The following EIF2AK3 variants were observed in gnomAD, a reference collection of about 807,000 sequenced individuals.
The protein encoded by EIF2AK3 is eukaryotic translation initiation factor 2-alpha kinase 3.
A neutral mutation model predicts 113.5 loss-of-function variants in EIF2AK3; 50 were observed. The ratio of observed to expected loss-of-function variants is 0.44; its 90% confidence interval spans 0.35 to 0.56. The LOEUF (loss-of-function observed/expected upper bound fraction) is 0.56, where lower values mean the gene tolerates loss of function less well. EIF2AK3 is among the 20% of genes least tolerant of loss of function. The pLI is 0.00. For synonymous variants in EIF2AK3, 448 were observed against 495.4 expected (o/e 0.90, Z 1.27); for missense variants, 1,185 against 1,378.0 (o/e 0.86, Z 2.22).
At chr2:88,591,083 T>G (rs750698237) in intron 4 of EIF2AK3, 31 bp from the exon 5 acceptor site, 1 of 1,596,208 alleles carries the variant, frequency 6.3e-7, no homozygotes, top group Non-Finnish European at 8.6e-7. Flanking sequence ...TTTTAGAAAT[T>G]TACATTTAAA....
intron 11 of EIF2AK3, 31 bp downstream of exon 11, chr2:88,579,487 T>C (rs1674544656): frequency 6.2e-7 from 1 of 1,612,754 alleles, no homozygotes; most frequent in Non-Finnish European, 8.5e-7. Context: ...ACTGTGCTGA[T>C]TTCAAGTTTA....
chr2:88,562,168 T>C, intron 15 of EIF2AK3, 121 bp downstream of exon 15: 1 of 771,230 alleles, frequency 1.3e-6, no homozygotes, highest in Admixed American at 2.2e-5. Context: ...ACATCACCTC[T>C]TTCACTTTTA....
At chr2:88,568,876 A>G (rs1165553138) in intron 14 of EIF2AK3, among the ~76,000 whole-genome samples, 1 of 152,136 alleles carries the variant, frequency 6.6e-6, no homozygotes, top group Non-Finnish European at 1.5e-5. Flanking sequence ...ACAGTTATTG[A>G]GACTTGGATA....
chr2:88,557,969 G>A (rs1402131593), intron 16 of EIF2AK3, 33 bp from the exon 17 acceptor site: 5 of 1,596,762 alleles, frequency 3.1e-6, no homozygotes, highest in East Asian at 2.2e-5. Flanking sequence ...GTGATAAAAC[G>A]GCCAGGTTTG....
chr2:88,624,288 A>G (rs1403370284), intron 1 of EIF2AK3, among the ~76,000 whole-genome samples: 1 of 152,040 alleles, frequency 6.6e-6, no homozygotes, highest in Non-Finnish European at 1.5e-5. Context: ...CAATGCGCCC[A>G]GCCCCTTTCA....
chr2:88,596,136 G>C (rs769776362), intron 2 of EIF2AK3, among the ~76,000 whole-genome samples: 37 of 152,098 alleles, frequency 2.4e-4, no homozygotes, highest in Non-Finnish European at 4.0e-4. Context: ...TTTTTATCAA[G>C]GCCAATTACT....
In EIF2AK3 at chr2:88,575,411, T is replaced by C. The variant is rs1465588512; in HGVS notation, c.2072A>G (p.Asp691Gly). ...DWPLSSPSPMDAPSVKIRRMD... is the reference protein window; with the variant it reads ...DWPLSSPSPMGAPSVKIRRMD... ...TCTGCGTATTTTAACTGATGGTGCA[T>C]CCATTGGGCTAGGAGAGCTGAGTGG... Residue 691 changes from aspartate (D) to glycine (G), a missense_variant, in exon 13 of 17, where the codon GAT becomes GGT. Around this residue, in one of 3 missense-constraint regions of EIF2AK3, gnomAD observed 877 missense variants for 1,024.2 expected, o/e 0.86. Coordinates refer to ENST00000303236, the MANE Select transcript of EIF2AK3 (RefSeq NM_004836.7). 1 of 1,610,954 alleles carries C rather than the reference T, an allele frequency of 6.2e-7. No individual in the cohort carries two copies. Among genetic ancestry groups the C allele is most frequent in the South Asian group, 1.1e-5 (1 of 91,078 alleles).
At chr2:88,566,969 G>A (rs749661295) in intron 14 of EIF2AK3, among the ~76,000 whole-genome samples, 1 of 151,808 alleles carries the variant, frequency 6.6e-6, no homozygotes, top group Non-Finnish European at 1.5e-5. Context: ...TTTCCAGCCA[G>A]CAAAACAGAA....
intron 11 of EIF2AK3, among the ~76,000 whole-genome samples, chr2:88,578,016 C>T (rs1040008776): frequency 1.3e-5 from 2 of 152,178 alleles, no homozygotes; most frequent in East Asian, 3.8e-4. Flanking sequence ...AGTGTACATA[C>T]AGAAGCACCA....
At chr2:88,579,165 A>G (rs1458933061) in intron 11 of EIF2AK3, among the ~76,000 whole-genome samples, 1 of 152,234 alleles carries the variant, frequency 6.6e-6, no homozygotes, top group African/African-American at 2.4e-5. Context: ...ATTACCAGGT[A>G]GAGACAATAT....
Position 88,626,954 on chromosome 2 carries a change from G to T in EIF2AK3, c.308+13C>A, listed in dbSNP as rs750242313. The T allele has an allele frequency of 1.2e-5, 19 of 1,606,378 alleles. No individual in the cohort carries two copies. Among genetic ancestry groups the T allele is most frequent in the Middle Eastern group, 1.7e-4 (1 of 5,760 alleles). On this transcript the variant is annotated intron_variant, in intron 1 of 16. Coordinates refer to ENST00000303236, the MANE Select transcript of EIF2AK3 (RefSeq NM_004836.7). ...GTAAACAAGTTGCCTCCCCCGGGTC[G>T]GCAGCCCCTCACCTGCCGCGCGGTC...
At chr2:88,586,110 G>C in intron 8 of EIF2AK3, 49 bp from the exon 9 acceptor site, 2 of 1,439,638 alleles carry the variant, frequency 1.4e-6, no homozygotes, top group Non-Finnish European at 9.8e-7. Flanking sequence ...ATCAAAAATA[G>C]GCCCGTCTTT....
At chr2:88,561,112 G>A (rs960673286) in intron 15 of EIF2AK3, among the ~76,000 whole-genome samples, 7 of 151,286 alleles carry the variant, frequency 4.6e-5, no homozygotes, top group African/African-American at 1.7e-4. Context: ...GTGCTACCAT[G>A]CCTTGCTAAT....
At chr2:88,614,361 C>G (rs911960181) in intron 1 of EIF2AK3, among the ~76,000 whole-genome samples, 2 of 152,112 alleles carry the variant, frequency 1.3e-5, no homozygotes, top group Admixed American at 1.3e-4. Flanking sequence ...CTCTGAAAAT[C>G]CTCAGGATCA....
chr2:88,627,513 A>C, upstream of EIF2AK3: 3 of 422,622 alleles, frequency 7.1e-6, no homozygotes, highest in Non-Finnish European at 8.0e-6. Context: ...TTGCTCTCTC[A>C]TTGGCTGCGG....
chr2:88,582,300 C>T (rs1674619893), intron 10 of EIF2AK3, among the ~76,000 whole-genome samples: 1 of 152,160 alleles, frequency 6.6e-6, no homozygotes, highest in Non-Finnish European at 1.5e-5. Context: ...GTCTGAAATA[C>T]ATGAGATCCC....
rs947983532 is a variant in EIF2AK3, at chr2:88,588,802, G to C, written c.1265C>G (p.Ala422Gly). The change falls in exon 7 of 17, where the codon GCA becomes GGA. Residue 422 changes from alanine (A) to glycine (G), a missense_variant. Ala to Gly is a moderately conservative substitution (Grantham distance 60). Coordinates refer to ENST00000303236, the MANE Select transcript of EIF2AK3 (RefSeq NM_004836.7). ...KALESVTNENAIIPLPTIKWK... is the reference protein window; with the variant it reads ...KALESVTNENGIIPLPTIKWK... Reference sequence around the variant, plus strand: ...TTTGATTGTTGGTAAAGGAATAATTGCGTTTTCATTAGTGACAGATTCCAA... The same window carrying C: ...TTTGATTGTTGGTAAAGGAATAATTCCGTTTTCATTAGTGACAGATTCCAA... The C allele has an allele frequency of 6.2e-7, 1 of 1,613,640 alleles. No individual in the cohort carries two copies. Among genetic ancestry groups the C allele is most frequent in the African/African-American group, 1.3e-5 (1 of 74,902 alleles).
chr2:88,602,193 T>C (rs575979067), intron 2 of EIF2AK3, among the ~76,000 whole-genome samples: 2 of 152,290 alleles, frequency 1.3e-5, no homozygotes, highest in South Asian at 4.1e-4. Context: ...CATTCGGTTT[T>C]GGAAGCCAGA....
upstream of EIF2AK3, chr2:88,627,903 CA>C (rs1487430770): frequency 4.6e-5 from 7 of 152,120 alleles, no homozygotes; most frequent in African/African-American, 1.7e-4. Context: ...AGGACTGTCC[CA>C]AGTGAAGAGT....
Sources: gnomAD v4.1 joint callset for allele counts (sites outside exome capture counted in the v4.1 genomes callset) on GRCh38, gnomAD v4.1.1 for gene constraint, gnomAD v4.1.1 regional missense constraint, MANE v1.5 for transcripts, NCBI Gene and HGNC (gene_info 2026-07-23, HGNC 2026-07-21) for gene names.